Variants in BMPR2 observed in about 807,000 individuals in gnomAD.
The protein encoded by BMPR2 is bone morphogenetic protein receptor type 2, also known as bone morphogenetic protein receptor type-2.
Under a neutral mutation model 100.8 loss-of-function variants are expected in BMPR2, and 29 were observed. The ratio of observed to expected loss-of-function variants is 0.29; its 90% CI spans 0.21 to 0.39. The LOEUF (loss-of-function observed/expected upper bound fraction) is 0.39. BMPR2 is among the 10% of genes least tolerant of loss of function. The pLI is 1.00. For missense variants in BMPR2, 1,011 were observed against 1,274.5 expected, an observed-to-expected ratio of 0.79 and a Z score of 3.15; for synonymous variants, 382 against 442.3, an observed-to-expected ratio of 0.86 and a Z score of 1.71.
intron 9 of BMPR2, among the ~76,000 whole-genome samples, chr2:202,535,255 G>A (rs1322088001): frequency 6.6e-6 from 1 of 152,038 alleles, no homozygotes; most frequent in African/African-American, 2.4e-5. Context: ...AGACGGAGCG[G>A]CTGCTGGGCG....
intron 3 of BMPR2, among the ~76,000 whole-genome samples, chr2:202,469,279 C>A (rs1692388181): frequency 6.6e-6 from 1 of 151,882 alleles, no homozygotes; most frequent in Non-Finnish European, 1.5e-5. Context: ...CCACCTGCCT[C>A]AGCCTCCCAA....
chr2:202,435,530 TAAGGTTAATTTATTATCAAGGAAATAA>T (rs886541936), intron 1 of BMPR2, among the ~76,000 whole-genome samples: 1 of 149,410 alleles, frequency 6.7e-6, no homozygotes, highest in Non-Finnish European at 1.5e-5. Flanking sequence ...TAGAGTAATC[TAAGGTTAATTTATTATCAAGGAAATAA>T]AAAACAAAAG....
At chr2:202,544,132 A>AC (rs1009373821) in intron 10 of BMPR2, among the ~76,000 whole-genome samples, 18 of 151,926 alleles carry the variant, frequency 1.2e-4, no homozygotes, top group African/African-American at 4.3e-4. Flanking sequence ...ACAGAGTGAG[A>AC]CCCCATCTCA....
At chr2:202,546,355 A>C (rs950178516) in intron 10 of BMPR2, among the ~76,000 whole-genome samples, 5 of 152,244 alleles carry the variant, frequency 3.3e-5, no homozygotes, top group Non-Finnish European at 7.3e-5. Flanking sequence ...ATTAATGAAT[A>C]TAAAAACTAG....
At chr2:202,493,038 T>C (rs1324259324) in intron 3 of BMPR2, among the ~76,000 whole-genome samples, 1 of 152,230 alleles carries the variant, frequency 6.6e-6, no homozygotes, top group Non-Finnish European at 1.5e-5. Context: ...TTCTTGAGTA[T>C]GGATTCTGAA....
chr2:202,519,088 G>A (rs760946756), intron 6 of BMPR2, 36 bp downstream of exon 6: 8 of 1,599,932 alleles, frequency 5.0e-6, no homozygotes, highest in Non-Finnish European at 6.0e-6. Flanking sequence ...GAGGCCAGGT[G>A]TGGTGGCTTA....
At chr2:202,438,470 A>T (rs1691661126) in intron 1 of BMPR2, among the ~76,000 whole-genome samples, 2 of 150,348 alleles carry the variant, frequency 1.3e-5, no homozygotes, top group South Asian at 2.1e-4. Context: ...AATTTTGTTG[A>T]CATTCTATCT....
At chr2:202,383,746 G>T (rs1690353909) in intron 1 of BMPR2, among the ~76,000 whole-genome samples, 1 of 151,844 alleles carries the variant, frequency 6.6e-6, no homozygotes, top group Admixed American at 6.6e-5. Flanking sequence ...AGCTACTCAG[G>T]AAGCTGAGGT....
At chr2:202,441,339 G>T (rs1055370516) in intron 1 of BMPR2, among the ~76,000 whole-genome samples, 1 of 150,326 alleles carries the variant, frequency 6.7e-6, no homozygotes, top group Non-Finnish European at 1.5e-5. Flanking sequence ...AGGGATCAAC[G>T]TAAGAGTGCA....
intron 1 of BMPR2, among the ~76,000 whole-genome samples, chr2:202,430,007 A>T (rs1189193444): frequency 6.6e-6 from 1 of 152,228 alleles, no homozygotes; most frequent in East Asian, 1.9e-4. Flanking sequence ...TATGTGGCTT[A>T]AACATATTTT....
intron 6 of BMPR2, 23 bp from the exon 7 acceptor site, chr2:202,520,064 T>TG (rs1400397218): frequency 6.7e-7 from 1 of 1,491,558 alleles, no homozygotes; most frequent in South Asian, 1.1e-5. Context: ...TTTTTTTTTT[T>TG]TCGCATTTTT....
chr2:202,444,624 CTA>C (rs1321439440), intron 1 of BMPR2, among the ~76,000 whole-genome samples: 2 of 150,604 alleles, frequency 1.3e-5, no homozygotes, highest in Non-Finnish European at 1.5e-5. Context: ...TTTTAGAACA[CTA>C]TACATGTACT....
At chr2:202,405,431 G>C (rs1161618909) in intron 1 of BMPR2, among the ~76,000 whole-genome samples, 3 of 152,118 alleles carry the variant, frequency 2.0e-5, no homozygotes, top group Non-Finnish European at 4.4e-5. Context: ...GCTCATGCCT[G>C]TAATCCCAGC....
rs71035012 is a variant in BMPR2, at chr2:202,481,168, T to TTTCTC, written c.418+13502_418+13506dup. ...GTTCTTCTTTTTCTTTCTCTTCTCT[T>TTTCTC]TTCTCTTCTCTTCTCTTCTCTTCTC... On this transcript the variant is annotated intron_variant, in intron 3 of 12. Coordinates refer to ENST00000374580, the MANE Select transcript of BMPR2 (RefSeq NM_001204.7). Among the ~76,000 whole-genome samples, 818 of 150,378 alleles carry TTTCTC rather than the reference T, an allele frequency of 5.4e-3. 14 individuals are homozygous for TTTCTC. The highest frequency in any genetic ancestry group is 0.032 in the South Asian group (154 of 4,740).
intron 9 of BMPR2, among the ~76,000 whole-genome samples, chr2:202,538,860 A>T (rs1317985475): frequency 1.3e-5 from 2 of 151,916 alleles, no homozygotes; most frequent in African/African-American, 4.8e-5. Flanking sequence ...AATCCTGGAG[A>T]CTGTTCGATG....
intron 6 of BMPR2, 90 bp downstream of exon 6, chr2:202,519,142 A>C: frequency 1.5e-6 from 2 of 1,331,608 alleles, no homozygotes; most frequent in Non-Finnish European, 2.2e-6. Flanking sequence ...CAGGTGGATC[A>C]CTTGAGGCCA....
chr2:202,403,738 G>A (rs1690820334), intron 1 of BMPR2, among the ~76,000 whole-genome samples: 1 of 152,170 alleles, frequency 6.6e-6, no homozygotes, highest in South Asian at 2.1e-4. Context: ...AGGGCGTGGT[G>A]GCTCACGCCT....
intron 10 of BMPR2, among the ~76,000 whole-genome samples, chr2:202,551,793 G>C (rs1020190742): frequency 1.2e-4 from 18 of 151,850 alleles, no homozygotes; most frequent in African/African-American, 4.1e-4. Flanking sequence ...TCTGCCTCCC[G>C]GGTTGAAGCA....
At chr2:202,462,885 G>A (rs1198577497) in intron 1 of BMPR2, among the ~76,000 whole-genome samples, 1 of 151,846 alleles carries the variant, frequency 6.6e-6, no homozygotes, top group Non-Finnish European at 1.5e-5. Context: ...CTAATTTTTT[G>A]TATTTTTAGT....
Sources: gnomAD v4.1 joint callset for allele counts (sites outside exome capture counted in the v4.1 genomes callset) on GRCh38, gnomAD v4.1.1 for gene constraint, MANE v1.5 for transcripts, NCBI Gene and HGNC (gene_info 2026-07-23, HGNC 2026-07-21) for gene names.